The following LONRF3 variants were observed in gnomAD, a reference collection of about 807,000 sequenced individuals.
LONRF3 encodes LON peptidase N-terminal domain and RING finger protein 3.
Under a neutral mutation model 51.7 loss-of-function variants are expected in LONRF3, and 19 were observed. That is an observed-to-expected ratio of 0.37 (90% CI 0.26 to 0.54). The LOEUF is 0.54. Ranked by LOEUF, LONRF3 falls within the 20% of genes least tolerant of loss-of-function variation. The pLI is 0.86. For missense variants in LONRF3, 521 were observed against 623.9 expected (o/e 0.84, Z 1.76); for synonymous variants, 265 against 257.8 (o/e 1.03, Z -0.27).
intron 2 of LONRF3, among the ~76,000 whole-genome samples, chrX:118,980,649 T>A (rs983208299): frequency 1.5e-4 from 17 of 111,353 alleles, no homozygotes; most frequent in African/African-American, 4.9e-4. Flanking sequence ...ATTTAGTGTT[T>A]AATACAAGTC....
Position 119,008,383 on chromosome X carries a change from A to AT in LONRF3, c.1531-741dup, listed in dbSNP as rs1476623977. Among the ~76,000 whole-genome samples the AT allele has an allele frequency of 9.9e-5, 11 of 111,508 alleles. No homozygotes were observed. In the Admixed American group the frequency reaches 1.1e-3, roughly 11 times the overall value. ...CAGATGTTTTAACATCAGTTGTTTG[A>AT]TTCACACCGTTAAATACCCACTACC... On this transcript the variant is annotated intron_variant, in intron 6 of 10. Transcript: ENST00000371628.
intron 5 of LONRF3, 55 bp from the exon 6 acceptor site, chrX:119,006,064 ACT>A: frequency 1.4e-6 from 1 of 701,320 alleles, no homozygotes. Flanking sequence ...GCTTTGAGTC[ACT>A]CTTTTATTTT....
rs199994110 is a variant in LONRF3, at chrX:119,016,330, A to ATTTCTTTC, written c.2125-1189_2125-1182dup. On this transcript the variant is annotated intron_variant, in intron 10 of 10. Transcript: ENST00000371628. ...AAAAGGAAATCTAGGGGCAGAATAT[A>ATTTCTTTC]TTTCTTTCTTTCTTTCTTTCTTTTT... is the stretch of plus-strand genomic sequence containing the variant. 9.9e-3 allele frequency among the ~76,000 whole-genome samples: 922 copies of ATTTCTTTC among 92,741 alleles called. 9 individuals carry two copies. Among genetic ancestry groups the ATTTCTTTC allele is most frequent in the East Asian group, 0.068 (204 of 2,984 alleles). 80.5% of individuals were successfully genotyped at this position (92,741 alleles called of 115,157 possible).
At chrX:119,000,520 G>A (rs775615378) in intron 5 of LONRF3, among the ~76,000 whole-genome samples, 5 of 111,787 alleles carry the variant, frequency 4.5e-5, no homozygotes, top group Non-Finnish European at 9.4e-5. Context: ...AATCCTTAGT[G>A]GTTGCAAATT....
chrX:119,005,162 T>C, intron 5 of LONRF3, among the ~76,000 whole-genome samples: 1 of 111,549 alleles, frequency 9.0e-6, no homozygotes, highest in Non-Finnish European at 1.9e-5. Flanking sequence ...CTGAACACTC[T>C]TGTGAGGTGA....
intron 10 of LONRF3, among the ~76,000 whole-genome samples, chrX:119,016,388 G>A (rs945680466): frequency 4.4e-5 from 4 of 90,056 alleles, no homozygotes; most frequent in African/African-American, 1.3e-4. Flanking sequence ...TTGCTCTGTC[G>A]CCCAGGCTGG....
chrX:118,993,127 C>T (rs1233046543), intron 5 of LONRF3, among the ~76,000 whole-genome samples: 1 of 110,579 alleles, frequency 9.0e-6, no homozygotes, highest in Admixed American at 9.7e-5. Context: ...AACACCCCCC[C>T]CCAAAAACCA....
intron 6 of LONRF3, among the ~76,000 whole-genome samples, chrX:119,008,471 G>A (rs1211407222): frequency 8.9e-6 from 1 of 111,814 alleles, no homozygotes; most frequent in African/African-American, 3.3e-5. Flanking sequence ...TGACAATTGA[G>A]CCTGAGTCCA....
rs773160878 is a variant in LONRF3, at chrX:118,975,433, A to AGCCGCC, written c.662_667dup (p.Pro221_Pro222dup). 6 of 1,185,722 alleles carry AGCCGCC rather than the reference A, an allele frequency of 5.1e-6. No homozygotes were observed. The highest frequency in any genetic ancestry group is 1.8e-5 in the African/African-American group (1 of 57,014). On this transcript the variant is annotated inframe_insertion, in exon 1 of 11. Transcript: ENST00000371628. Reference sequence around the variant, plus strand: ...CGTGGAGCCCGGCGGGCTGGGCAGCAGCCGCCGCCGCCGCTGCGAGTCAAC... The same window carrying AGCCGCC: ...CGTGGAGCCCGGCGGGCTGGGCAGCAGCCGCCGCCGCCGCCGCCGCTGCGAGTCAAC...
chrX:119,010,040 G>A (rs764171530), intron 7 of LONRF3, among the ~76,000 whole-genome samples: 3 of 111,453 alleles, frequency 2.7e-5, no homozygotes, highest in East Asian at 2.8e-4. Flanking sequence ...CAAGGTGCTG[G>A]GATTACAGGC....
intron 3 of LONRF3, among the ~76,000 whole-genome samples, chrX:118,988,031 G>A (rs147104980): frequency 7.2e-5 from 8 of 111,236 alleles, no homozygotes; most frequent in East Asian, 5.7e-4. Flanking sequence ...GATCAGAAGC[G>A]CAGACTCCAA....
At chrX:119,011,765 G>A in intron 7 of LONRF3, 50 bp from the exon 8 acceptor site, 1 of 1,156,083 alleles carries the variant, frequency 8.6e-7, no homozygotes, top group Non-Finnish European at 1.2e-6. Flanking sequence ...CAATATTTTT[G>A]TGTTCTGTCC....
At chrX:119,015,788 C>T (rs1387473341) in intron 10 of LONRF3, among the ~76,000 whole-genome samples, 1 of 112,059 alleles carries the variant, frequency 8.9e-6, no homozygotes, top group Non-Finnish European at 1.9e-5. Flanking sequence ...GCTTTGGCAG[C>T]AGCAGCACCA....
chrX:118,992,325 G>C (rs1374276527), intron 5 of LONRF3, among the ~76,000 whole-genome samples: 1 of 111,712 alleles, frequency 9.0e-6, no homozygotes, highest in African/African-American at 3.3e-5. Context: ...TGGAGCTGTT[G>C]GGGAGGGCAC....
At chrX:119,012,344 A>G (rs1925165171) in intron 8 of LONRF3, among the ~76,000 whole-genome samples, 1 of 109,984 alleles carries the variant, frequency 9.1e-6, no homozygotes, top group Admixed American at 9.9e-5. Flanking sequence ...GGGTACAATA[A>G]TAGTACCTAC....
chrX:119,017,038 A>C (rs1334839515), intron 10 of LONRF3, among the ~76,000 whole-genome samples: 1 of 112,137 alleles, frequency 8.9e-6, no homozygotes, highest in African/African-American at 3.2e-5. Context: ...ACTGGAGCTT[A>C]AACAAGATGG....
Position 119,018,178 on chromosome X carries a change from C to A in LONRF3, c.*488C>A, listed in dbSNP as rs1361372771. The A allele has an allele frequency of 8.9e-6, 1 of 112,421 alleles. No individual in the cohort carries two copies. Among genetic ancestry groups the A allele is most frequent in the African/African-American group, 3.2e-5 (1 of 30,887 alleles). The allele number at this position is 112,421 out of a possible 1,213,427, so 9.3% of individuals were successfully genotyped here. ...TTCTGTTTTAATAATTTATTTTTTG[C>A]ACTACTGTATCCTTTTTTCTACATG... On this transcript the variant is annotated 3_prime_UTR_variant, in exon 11 of 11. Transcript: ENST00000371628.
At chrX:119,012,618 A>C (rs778305304) in intron 8 of LONRF3, among the ~76,000 whole-genome samples, 1 of 111,306 alleles carries the variant, frequency 9.0e-6, no homozygotes, top group Non-Finnish European at 1.9e-5. Flanking sequence ...GAGAGAAAGA[A>C]GGGGGTCAAA....
chrX:119,015,770 ATTATG>A (rs1925408345), intron 10 of LONRF3, among the ~76,000 whole-genome samples: 1 of 112,158 alleles, frequency 8.9e-6, no homozygotes, highest in Non-Finnish European at 1.9e-5. Context: ...TAGTTCTGTT[ATTATG>A]TTGCTTTGGC....
Sources: gnomAD v4.1 joint callset for allele counts (sites outside exome capture counted in the v4.1 genomes callset) on GRCh38, gnomAD v4.1.1 for gene constraint, MANE v1.5 for transcripts, NCBI Gene and HGNC (gene_info 2026-07-23, HGNC 2026-07-21) for gene names.